Variants in WWOX observed in about 807,000 individuals in gnomAD.
The protein encoded by WWOX is WW domain-containing oxidoreductase.
Under a neutral mutation model 46.2 loss-of-function variants are expected in WWOX, and 69 were observed. That is an observed-to-expected ratio of 1.49 (90% CI 1.23 to 1.82). WWOX has a LOEUF of 1.82. Among genes scored for constraint, WWOX ranks in the 40% most tolerant of loss-of-function variants. WWOX has a pLI of 0.00. For synonymous variants in WWOX, 359 were observed against 202.6 expected (o/e 1.77, Z -6.56); for missense variants, 919 against 542.6 (o/e 1.69, Z -6.89).
At chr16:78,723,869 A>G (rs1224136097) in intron 8 of WWOX, among the ~76,000 whole-genome samples, 6 of 152,204 alleles carry the variant, frequency 3.9e-5, no homozygotes, top group Middle Eastern at 3.4e-3. Flanking sequence ...TTTAATCTGT[A>G]AAAAATGAGG....
chr16:78,976,734 T>G (rs2046579894), intron 8 of WWOX, among the ~76,000 whole-genome samples: 1 of 152,194 alleles, frequency 6.6e-6, no homozygotes. Context: ...ACTTCTATCT[T>G]CCCCACTCTA....
intron 8 of WWOX, among the ~76,000 whole-genome samples, chr16:78,974,152 A>G (rs1016123002): frequency 5.3e-5 from 8 of 152,244 alleles, no homozygotes; most frequent in South Asian, 2.1e-4. Flanking sequence ...AAATCAAACA[A>G]TATCAGGAAA....
chr16:78,675,794 C>G (rs540664710), intron 8 of WWOX, among the ~76,000 whole-genome samples: 4 of 152,164 alleles, frequency 2.6e-5, no homozygotes, highest in African/African-American at 4.8e-5. Context: ...GGCAACATAG[C>G]GAGACCTTGT....
chr16:78,485,761 A>G (rs1205054238), intron 8 of WWOX, among the ~76,000 whole-genome samples: 1 of 152,186 alleles, frequency 6.6e-6, no homozygotes, highest in East Asian at 1.9e-4. Context: ...CGCTTTTCCA[A>G]GGATCCCTCT....
At chr16:79,069,349 G>A (rs192122766) in intron 8 of WWOX, among the ~76,000 whole-genome samples, 8 of 152,332 alleles carry the variant, frequency 5.3e-5, no homozygotes, top group Non-Finnish European at 1.5e-5. Flanking sequence ...CAGCAAAAGA[G>A]CCCAGTGATT....
At chr16:78,858,607 T>A (rs1480001686) in intron 8 of WWOX, among the ~76,000 whole-genome samples, 1 of 152,128 alleles carries the variant, frequency 6.6e-6, no homozygotes, top group East Asian at 1.9e-4. Context: ...GCTTAGGAGC[T>A]GAGAAGGCTT....
intron 8 of WWOX, among the ~76,000 whole-genome samples, chr16:78,853,530 A>AC (rs1484580547): frequency 1.3e-5 from 2 of 151,184 alleles, no homozygotes; most frequent in Non-Finnish European, 1.5e-5. Flanking sequence ...GTGTGCTAAA[A>AC]CCCCCTCACT....
intron 8 of WWOX, among the ~76,000 whole-genome samples, chr16:78,726,527 C>T (rs1025333201): frequency 6.6e-6 from 1 of 152,156 alleles, no homozygotes; most frequent in East Asian, 1.9e-4. Flanking sequence ...AACCACTGCA[C>T]CCAGCCTATC....
intron 8 of WWOX, among the ~76,000 whole-genome samples, chr16:78,975,081 T>A (rs76952709): frequency 1.6e-3 from 240 of 152,318 alleles, no homozygotes; most frequent in Middle Eastern, 6.8e-3. Flanking sequence ...TTTTGCCTTG[T>A]TACTCTGCAT....
intron 8 of WWOX, among the ~76,000 whole-genome samples, chr16:78,601,891 G>A (rs922499543): frequency 3.9e-5 from 6 of 152,144 alleles, no homozygotes; most frequent in Non-Finnish European, 8.8e-5. Context: ...GTGCCGAGCT[G>A]GGTTTTGCCT....
At chr16:79,138,630 T>A (rs1406863181) in intron 8 of WWOX, among the ~76,000 whole-genome samples, 1 of 152,168 alleles carries the variant, frequency 6.6e-6, no homozygotes, top group Non-Finnish European at 1.5e-5. Context: ...TGCACCTTTT[T>A]AACCCAACAC....
intron 8 of WWOX, among the ~76,000 whole-genome samples, chr16:79,061,370 C>G (rs1007072799): frequency 7.2e-5 from 11 of 152,170 alleles, no homozygotes; most frequent in African/African-American, 2.7e-4. Context: ...CTTGGCAAAC[C>G]AAGAAGAATG....
At chr16:78,736,480 G>A (rs1007198982) in intron 8 of WWOX, among the ~76,000 whole-genome samples, 1 of 152,100 alleles carries the variant, frequency 6.6e-6, no homozygotes, top group Non-Finnish European at 1.5e-5. Context: ...GACCACCGTT[G>A]GTGTCTCAAA....
At chr16:79,127,577 T>G (rs2049785148) in intron 8 of WWOX, among the ~76,000 whole-genome samples, 1 of 152,224 alleles carries the variant, frequency 6.6e-6, no homozygotes, top group Admixed American at 6.5e-5. Context: ...CGTGTAACCT[T>G]GCACCGACAT....
chr16:79,125,725 G>A (rs1223283681), intron 8 of WWOX, among the ~76,000 whole-genome samples: 2 of 152,204 alleles, frequency 1.3e-5, no homozygotes, highest in Non-Finnish European at 2.9e-5. Flanking sequence ...TGATCTGGAG[G>A]AACATAGCTT....
chr16:78,920,384 C>A (rs899531490), intron 8 of WWOX, among the ~76,000 whole-genome samples: 1 of 152,158 alleles, frequency 6.6e-6, no homozygotes, highest in Non-Finnish European at 1.5e-5. Flanking sequence ...TGATGCTTTC[C>A]TCCTTGTGAC....
intron 8 of WWOX, among the ~76,000 whole-genome samples, chr16:78,946,284 G>T (rs868536318): frequency 6.6e-6 from 1 of 152,006 alleles, no homozygotes; most frequent in South Asian, 2.1e-4. Flanking sequence ...TCCAACTCCC[G>T]GCTCCAGTGA....
chr16:79,106,557 C>G (rs1403930961), intron 8 of WWOX: 1 of 147,906 alleles, frequency 6.8e-6, no homozygotes, highest in Non-Finnish European at 1.5e-5. Context: ...ACTTCATGAC[C>G]CTAAAATGAC....
intron 8 of WWOX, among the ~76,000 whole-genome samples, chr16:78,788,564 G>A (rs141764709): frequency 7.9e-5 from 12 of 152,302 alleles, no homozygotes; most frequent in South Asian, 2.1e-4. Context: ...TTCCTGGAGC[G>A]TGGCTGCCTA....
Sources: allele counts gnomAD v4.1 joint callset (sites outside exome capture counted in the v4.1 genomes callset), GRCh38; gene constraint gnomAD v4.1.1; transcripts MANE v1.5; gene names NCBI Gene and HGNC (gene_info 2026-07-23, HGNC 2026-07-21).